The following TWIST2 variants were observed in gnomAD, a reference collection of about 807,000 sequenced individuals.
The protein encoded by TWIST2 is twist family bHLH transcription factor 2.
In TWIST2, 1 loss-of-function variant was observed where a neutral mutation model predicts 11.6. That is an observed-to-expected ratio of 0.09 (90% CI 0.03 to 0.41). TWIST2 has a LOEUF of 0.41. Ranked by LOEUF, TWIST2 falls within the 10% of genes least tolerant of loss-of-function variation. The pLI is 0.98. For synonymous variants in TWIST2, 87 were observed against 96.6 expected, an observed-to-expected ratio of 0.90 and a Z score of 0.58; for missense variants, 168 against 226.4, an observed-to-expected ratio of 0.74 and a Z score of 1.66.
intron 1 of TWIST2, among the ~76,000 whole-genome samples, chr2:238,895,318 C>T (rs2106371000): frequency 1.3e-5 from 2 of 152,390 alleles, no homozygotes; most frequent in East Asian, 3.9e-4. Context: ...CAGGCCCTTC[C>T]TCACTTTCCT....
intron 1 of TWIST2, among the ~76,000 whole-genome samples, chr2:238,868,138 C>A (rs979768262): frequency 6.6e-6 from 1 of 152,208 alleles, no homozygotes; most frequent in Non-Finnish European, 1.5e-5. Flanking sequence ...CACACATCAG[C>A]CCCGTGCCCT....
chr2:238,902,751 A>G (rs1693288332), intron 1 of TWIST2, among the ~76,000 whole-genome samples: 1 of 69,046 alleles, frequency 1.4e-5, no homozygotes, highest in African/African-American at 6.3e-5. Flanking sequence ...GATGGGTGTG[A>G]TGGGTATGTG....
chr2:238,856,874 G>A (rs1047881585), intron 1 of TWIST2, among the ~76,000 whole-genome samples: 4 of 152,176 alleles, frequency 2.6e-5, no homozygotes, highest in Admixed American at 1.3e-4. Context: ...GAGGGAGGCC[G>A]CTGCAGACAC....
chr2:238,863,967 C>T lies in TWIST2; in HGVS notation c.*35+15234C>T, dbSNP rs1225613338. 6.6e-6 allele frequency among the ~76,000 whole-genome samples: 1 copy of T among 152,180 alleles called. No individual in the cohort carries two copies. Among genetic ancestry groups the T allele is most frequent in the Non-Finnish European group, 1.5e-5 (1 of 68,036 alleles). On this transcript the variant is annotated intron_variant, in intron 1 of 1. Coordinates refer to ENST00000612363, the MANE Select transcript of TWIST2 (RefSeq NM_001271893.4). The surrounding 1 kb of genome is among the most constrained non-coding windows in gnomAD (Gnocchi z 4.7). ...CCTACAGGGAGGAAGCACCAGGCGG[C>T]ACCTCCCCAGAGGCTGGAGACCAAC... is the stretch of plus-strand genomic sequence containing the variant.
At chr2:238,875,369 A>G (rs36177450) in intron 1 of TWIST2, among the ~76,000 whole-genome samples, 93,563 of 151,522 alleles carry the variant, frequency 0.62, 29,308 homozygotes, top group East Asian at 0.97. Context: ...CTCCAACAGC[A>G]CCACCCACTG....
intron 1 of TWIST2, among the ~76,000 whole-genome samples, chr2:238,894,271 A>G (rs1401403396): frequency 2.0e-5 from 3 of 152,054 alleles, no homozygotes; most frequent in Non-Finnish European, 2.9e-5. Flanking sequence ...TGAGGACTCC[A>G]GCAGCTCCAC....
rs148523429 is a variant in TWIST2, at chr2:238,885,814, G to A, written c.*36-24028G>A. On this transcript the variant is annotated intron_variant, in intron 1 of 1. Coordinates refer to ENST00000612363, the MANE Select transcript of TWIST2 (RefSeq NM_001271893.4). Reference sequence around the variant, plus strand: ...TGGTTAGGCGTGGTGGCTCACACCTGTAATCCTAGCACTTTGAGATGTTTG... The same window carrying A: ...TGGTTAGGCGTGGTGGCTCACACCTATAATCCTAGCACTTTGAGATGTTTG... 1.9e-3 allele frequency among the ~76,000 whole-genome samples: 288 copies of A among 152,244 alleles called. 1 individual carries two copies. The highest frequency in any genetic ancestry group is 6.4e-3 in the African/African-American group (267 of 41,526).
At chr2:238,851,883 T>C (rs1158702263) in intron 1 of TWIST2, among the ~76,000 whole-genome samples, 1 of 152,216 alleles carries the variant, frequency 6.6e-6, no homozygotes, top group African/African-American at 2.4e-5. Context: ...AATGTGGGTC[T>C]TTCCCCTTAA....
chr2:238,886,421 C>A (rs1054157224), intron 1 of TWIST2, among the ~76,000 whole-genome samples: 1 of 152,028 alleles, frequency 6.6e-6, no homozygotes, highest in East Asian at 1.9e-4. Context: ...TCTGGTCCCT[C>A]GTACACAGTA....
intron 1 of TWIST2, among the ~76,000 whole-genome samples, chr2:238,869,952 AAC>A (rs2106357454): frequency 6.6e-6 from 1 of 152,128 alleles, no homozygotes; most frequent in Non-Finnish European, 1.5e-5. Context: ...TCTCAAAACA[AAC>A]ACAGAAAATA....
chr2:238,887,155 C>G (rs1470519221), intron 1 of TWIST2: 2 of 152,078 alleles, frequency 1.3e-5, no homozygotes, highest in Admixed American at 1.3e-4. Context: ...GGTGTCCCAC[C>G]CCTTAGAGGA....
At chr2:238,885,378 CT>C (rs1693015369) in intron 1 of TWIST2, among the ~76,000 whole-genome samples, 1 of 152,224 alleles carries the variant, frequency 6.6e-6, no homozygotes, top group South Asian at 2.1e-4. Flanking sequence ...AAAAACTGGC[CT>C]TTTGTGGCTT....
rs376708742 is a variant in TWIST2, at chr2:238,865,690, C to CTTT, written c.*35+16969_*35+16971dup. Among the ~76,000 whole-genome samples the CTTT allele has an allele frequency of 5.3e-3, 780 of 147,044 alleles. 10 individuals carry two copies. The highest frequency in any genetic ancestry group is 0.018 in the African/African-American group (732 of 40,066). Reference sequence around the variant, plus strand: ...AGCTGTGCCATCTGGTCTTTTGGAACTTTTTTTTTTTTTTGCTGTGGCATT... The same window carrying CTTT: ...AGCTGTGCCATCTGGTCTTTTGGAACTTTTTTTTTTTTTTTTTGCTGTGGCATT... On this transcript the variant is annotated intron_variant, in intron 1 of 1. Coordinates refer to ENST00000612363, the MANE Select transcript of TWIST2 (RefSeq NM_001271893.4).
At chr2:238,855,800 C>G (rs1264207557) in intron 1 of TWIST2, among the ~76,000 whole-genome samples, 1 of 152,168 alleles carries the variant, frequency 6.6e-6, no homozygotes, top group African/African-American at 2.4e-5. Flanking sequence ...GCCGAGGACC[C>G]TCTGAGCAAA....
chr2:238,907,061 C>T (rs952878735), intron 1 of TWIST2, among the ~76,000 whole-genome samples: 1 of 152,228 alleles, frequency 6.6e-6, no homozygotes, highest in African/African-American at 2.4e-5. Flanking sequence ...CAGTCTTCAG[C>T]GATCCCTGCT....
At chr2:238,871,222 C>CA (rs796168067) in intron 1 of TWIST2, among the ~76,000 whole-genome samples, 6 of 5,894 alleles carry the variant, frequency 1.0e-3, no homozygotes, top group African/African-American at 4.9e-3. Context: ...CCACACCCCC[C>CA]CACACACACA....
At chr2:238,853,796 TA>T (rs1470328468) in intron 1 of TWIST2, among the ~76,000 whole-genome samples, 15 of 152,214 alleles carry the variant, frequency 9.9e-5, no homozygotes, top group Non-Finnish European at 1.9e-4. Context: ...AGTGCTTAGT[TA>T]AAAATAGAGT....
chr2:238,900,789 C>A lies in TWIST2; in HGVS notation c.*36-9053C>A, dbSNP rs1379079853. Among the ~76,000 whole-genome samples, 63 of 152,108 alleles carry A rather than the reference C, an allele frequency of 4.1e-4. 4 individuals carry two copies. Among genetic ancestry groups the A allele is most frequent in the Non-Finnish European group, 1.5e-5 (1 of 68,020 alleles). ...TGGGTCTGGAAGCCGTAGGAGGTTGCCCTACTCTTAGAGCCCAGAGATTTC... is the reference window on the plus strand; with the variant it reads ...TGGGTCTGGAAGCCGTAGGAGGTTGACCTACTCTTAGAGCCCAGAGATTTC... On this transcript the variant is annotated intron_variant, in intron 1 of 1. Coordinates refer to ENST00000612363, the MANE Select transcript of TWIST2 (RefSeq NM_001271893.4).
intron 1 of TWIST2, among the ~76,000 whole-genome samples, chr2:238,881,473 G>C (rs1251364268): frequency 1.3e-5 from 2 of 151,830 alleles, no homozygotes; most frequent in African/African-American, 4.8e-5. Flanking sequence ...GAGTATTAGT[G>C]TTAGTATCTA....
Sources: allele counts gnomAD v4.1 joint callset (sites outside exome capture counted in the v4.1 genomes callset), GRCh38; gene constraint gnomAD v4.1.1; non-coding constraint Gnocchi (gnomAD v3.1); transcripts MANE v1.5; gene names NCBI Gene and HGNC (gene_info 2026-07-23, HGNC 2026-07-21).